Variants in PRKCE observed in about 807,000 individuals in gnomAD.
The protein encoded by PRKCE is protein kinase C epsilon type.
A neutral mutation model predicts 85.4 loss-of-function variants in PRKCE; 16 were observed. The observed-to-expected ratio is 0.19, with a 90% CI of 0.13 to 0.28. The LOEUF (loss-of-function observed/expected upper bound fraction) is 0.28. Ranked by LOEUF, PRKCE falls within the 10% of genes least tolerant of loss-of-function variation. The probability of loss-of-function intolerance (pLI) is 1.00; values close to 1 mark genes in which losing one functional copy is unlikely to be tolerated. For synonymous variants in PRKCE, 388 were observed against 371.5 expected, an observed-to-expected ratio of 1.04 and a Z score of -0.51; for missense variants, 573 against 975.2, an observed-to-expected ratio of 0.59 and a Z score of 5.49.
chr2:45,817,538 A>T (rs1054691998), intron 1 of PRKCE, among the ~76,000 whole-genome samples: 2 of 19,080 alleles, frequency 1.0e-4, no homozygotes, highest in Admixed American at 7.5e-4. Flanking sequence ...ATAAAAATAC[A>T]AAAAAATCAG....
At chr2:45,852,635 C>T (rs553111595) in intron 2 of PRKCE, among the ~76,000 whole-genome samples, 72 of 152,332 alleles carry the variant, frequency 4.7e-4, no homozygotes, top group Non-Finnish European at 8.1e-4. Context: ...GGGTGATACT[C>T]AGGGCTTCTT....
intron 2 of PRKCE, among the ~76,000 whole-genome samples, chr2:45,846,501 A>C (rs1389330628): frequency 6.6e-6 from 1 of 152,208 alleles, no homozygotes; most frequent in Non-Finnish European, 1.5e-5. Context: ...TTTCTCCAAC[A>C]AAATACAGAG....
At chr2:46,088,336 C>A (rs1669844864) in intron 11 of PRKCE, among the ~76,000 whole-genome samples, 1 of 152,188 alleles carries the variant, frequency 6.6e-6, no homozygotes, top group Non-Finnish European at 1.5e-5. Flanking sequence ...TGCACCTCCT[C>A]TGTCCAGCCC....
chr2:45,906,368 C>A (rs1253368672), intron 2 of PRKCE, among the ~76,000 whole-genome samples: 1 of 152,212 alleles, frequency 6.6e-6, no homozygotes, highest in Non-Finnish European at 1.5e-5. Context: ...GTTAATTAAA[C>A]CCCTGTGGAT....
intron 10 of PRKCE, among the ~76,000 whole-genome samples, chr2:46,022,569 G>A (rs557911855): frequency 6.6e-6 from 1 of 152,322 alleles, no homozygotes; most frequent in African/African-American, 2.4e-5. Flanking sequence ...ATTTTTCAAA[G>A]CTCAATTCAG....
At chr2:46,032,646 G>A (rs983837789) in intron 10 of PRKCE, among the ~76,000 whole-genome samples, 4 of 152,180 alleles carry the variant, frequency 2.6e-5, no homozygotes, top group African/African-American at 9.7e-5. Flanking sequence ...GGCAACAATG[G>A]TGTGTTGATG....
intron 10 of PRKCE, among the ~76,000 whole-genome samples, chr2:46,070,018 G>C (rs1418833158): frequency 6.6e-6 from 1 of 152,182 alleles, no homozygotes; most frequent in African/African-American, 2.4e-5. Flanking sequence ...GTGGGTCCTG[G>C]TGCTAGTGTT....
At chr2:45,912,950 G>A (rs1265296598) in intron 2 of PRKCE, among the ~76,000 whole-genome samples, 3 of 152,062 alleles carry the variant, frequency 2.0e-5, no homozygotes, top group South Asian at 4.1e-4. Context: ...AGGACACAGT[G>A]GTTCCATAGT....
chr2:46,010,498 A>G lies in PRKCE; in HGVS notation c.1418A>G (p.Tyr473Cys). ...AAACACCCGTACCTTACCCAACTCT[A>G]CTGCTGCTTCCAGACCAAGGTATGT... ...ARKHPYLTQL[Y>C]CCFQTKDRLF... Residue 473 changes from tyrosine to cysteine, a missense_variant, in exon 10 of 15, where the codon TAC (tyrosine) becomes TGC (cysteine). By Grantham distance (194) the Tyr-to-Cys change is radical (BLOSUM62 -2). Around this residue, in one of 11 missense-constraint regions of PRKCE, gnomAD observed 89 missense variants for 154.1 expected, o/e 0.58. Coordinates refer to ENST00000306156, the MANE Select transcript of PRKCE (RefSeq NM_005400.3). 6.3e-7 allele frequency: 1 copy of G among 1,599,646 alleles called. No individual in the cohort carries two copies. Among genetic ancestry groups the G allele is most frequent in the Non-Finnish European group, 8.5e-7 (1 of 1,179,904 alleles).
In PRKCE at chr2:45,719,068, T is replaced by C. The variant is rs533860939; in HGVS notation, c.348+66620T>C. On this transcript the variant is annotated intron_variant, in intron 1 of 14. Coordinates refer to ENST00000306156, the MANE Select transcript of PRKCE (RefSeq NM_005400.3). ...ATTCTTGAGACTTTTCTTCACAATG[T>C]AAAGTGTGGAAAAATGGTTTATTAG... Among the ~76,000 whole-genome samples the C allele has an allele frequency of 4.4e-4, 67 of 152,372 alleles. 1 individual carries two copies. The highest frequency in any genetic ancestry group is 1.5e-3 in the African/African-American group (64 of 41,588).
chr2:45,760,082 C>A (rs998718676), intron 1 of PRKCE, among the ~76,000 whole-genome samples: 1 of 152,144 alleles, frequency 6.6e-6, no homozygotes, highest in African/African-American at 2.4e-5. Context: ...CAGGAGGGAG[C>A]AATCTCTGTG....
chr2:45,969,288 C>T (rs1198214367), intron 2 of PRKCE, among the ~76,000 whole-genome samples: 3 of 152,074 alleles, frequency 2.0e-5, no homozygotes, highest in Admixed American at 6.5e-5. Context: ...TTGGCCTTTC[C>T]TTGACTCAAG....
intron 2 of PRKCE, among the ~76,000 whole-genome samples, chr2:45,883,483 C>T (rs1359722734): frequency 6.6e-6 from 1 of 152,210 alleles, no homozygotes; most frequent in Non-Finnish European, 1.5e-5. Context: ...AGTTCCCCGT[C>T]GTGCTGGGGG....
At chr2:45,861,276 G>A (rs1028900937) in intron 2 of PRKCE, among the ~76,000 whole-genome samples, 15 of 152,104 alleles carry the variant, frequency 9.9e-5, no homozygotes, top group Admixed American at 4.6e-4. Context: ...GTAACTCCTG[G>A]GAGATAATGC....
intron 14 of PRKCE, among the ~76,000 whole-genome samples, chr2:46,167,586 G>A (rs2104631230): frequency 6.6e-6 from 1 of 152,316 alleles, no homozygotes; most frequent in Admixed American, 6.5e-5. Context: ...TGAGGCGCCT[G>A]CAGGGGCGTC....
chr2:45,746,667 G>A (rs1683162243), intron 1 of PRKCE, among the ~76,000 whole-genome samples: 1 of 152,134 alleles, frequency 6.6e-6, no homozygotes, highest in Non-Finnish European at 1.5e-5. Context: ...CGTATTTTCA[G>A]TGTCCCGCCT....
intron 11 of PRKCE, among the ~76,000 whole-genome samples, chr2:46,099,049 T>C (rs1670967849): frequency 6.6e-6 from 1 of 152,174 alleles, no homozygotes; most frequent in African/African-American, 2.4e-5. Flanking sequence ...CTGCTAATTG[T>C]TGCCACCTTC....
intron 10 of PRKCE, among the ~76,000 whole-genome samples, chr2:46,074,429 CAAAAAAAAA>C (rs11287357): frequency 4.4e-4 from 41 of 93,886 alleles, no homozygotes; most frequent in Non-Finnish European, 6.9e-4. Context: ...CAACAACAAC[CAAAAAAAAA>C]AAAAAAAAAA....
intron 6 of PRKCE, among the ~76,000 whole-genome samples, 154 bp downstream of exon 6, chr2:45,984,834 A>G (rs556260681): frequency 6.6e-6 from 1 of 152,292 alleles, no homozygotes; most frequent in East Asian, 1.9e-4. Flanking sequence ...AACTCTGTGC[A>G]TTTGGTAGGC....
Sources: allele counts gnomAD v4.1 joint callset (sites outside exome capture counted in the v4.1 genomes callset), GRCh38; gene constraint gnomAD v4.1.1; regional missense constraint gnomAD v4.1.1; transcripts MANE v1.5; gene names NCBI Gene and HGNC (gene_info 2026-07-23, HGNC 2026-07-21).